Variants in PIP5K1B observed in about 807,000 individuals in gnomAD.
PIP5K1B encodes the protein phosphatidylinositol-4-phosphate 5-kinase type 1 beta.
A neutral mutation model predicts 67.0 loss-of-function variants in PIP5K1B; 42 were observed. The observed-to-expected ratio is 0.63, with a 90% CI of 0.49 to 0.81. The LOEUF (loss-of-function observed/expected upper bound fraction) is 0.81. Ranked by LOEUF, PIP5K1B falls within the 30% of genes least tolerant of loss-of-function variation. The probability of loss-of-function intolerance (pLI) is 0.00; values close to 1 mark genes in which losing one functional copy is unlikely to be tolerated. For missense variants in PIP5K1B, 459 were observed against 646.3 expected (o/e 0.71, Z 3.14); for synonymous variants, 214 against 231.4 (o/e 0.92, Z 0.68).
chr9:68,770,864 G>T (rs1332049069), intron 2 of PIP5K1B, among the ~76,000 whole-genome samples: 1 of 152,192 alleles, frequency 6.6e-6, no homozygotes, highest in Non-Finnish European at 1.5e-5. Context: ...CTCATGTGTA[G>T]ATGCATTTGA....
chr9:69,005,526 G>T (rs61007216), intron 15 of PIP5K1B, among the ~76,000 whole-genome samples: 14,197 of 152,088 alleles, frequency 0.093, 1,392 homozygotes, highest in African/African-American at 0.25. Context: ...ACAGGCATGC[G>T]CCACCACACG....
chr9:69,001,201 C>G (rs970744622), intron 15 of PIP5K1B, among the ~76,000 whole-genome samples: 2 of 152,028 alleles, frequency 1.3e-5, no homozygotes, highest in Non-Finnish European at 2.9e-5. Flanking sequence ...GCCACCACAC[C>G]CAGCCTGGGT....
At chr9:68,996,523 C>T (rs1830607253) in intron 15 of PIP5K1B, among the ~76,000 whole-genome samples, 1 of 152,156 alleles carries the variant, frequency 6.6e-6, no homozygotes, top group South Asian at 2.1e-4. Context: ...TAAAAGAATA[C>T]ACAGAGATGA....
chr9:68,894,848 T>C (rs145506955), intron 8 of PIP5K1B, among the ~76,000 whole-genome samples: 1 of 152,336 alleles, frequency 6.6e-6, no homozygotes, highest in East Asian at 1.9e-4. Flanking sequence ...TTAACCTACA[T>C]CTCTGTTGAT....
At chr9:68,907,365 A>G (rs1303358526) in intron 8 of PIP5K1B, among the ~76,000 whole-genome samples, 3 of 152,180 alleles carry the variant, frequency 2.0e-5, no homozygotes, top group East Asian at 1.9e-4. Context: ...GTGGCTTTCA[A>G]CTGTGTCATG....
intron 15 of PIP5K1B, among the ~76,000 whole-genome samples, chr9:68,997,462 G>A (rs935157155): frequency 2.6e-5 from 4 of 152,136 alleles, no homozygotes; most frequent in African/African-American, 4.8e-5. Context: ...GATGCTGCTC[G>A]GGTTTTTGGT....
chr9:68,765,289 T>C (rs1405859996), intron 2 of PIP5K1B, among the ~76,000 whole-genome samples: 1 of 152,150 alleles, frequency 6.6e-6, no homozygotes, highest in Non-Finnish European at 1.5e-5. Context: ...TTAATGGTCT[T>C]TTCCATGGAG....
intron 2 of PIP5K1B, among the ~76,000 whole-genome samples, chr9:68,751,343 T>C (rs531699414): frequency 6.3e-4 from 96 of 152,374 alleles, no homozygotes; most frequent in African/African-American, 2.1e-3. Context: ...TTCTAAAGCA[T>C]ACCTATAATT....
chr9:68,747,801 C>T (rs1338132459), intron 2 of PIP5K1B, among the ~76,000 whole-genome samples: 2 of 152,166 alleles, frequency 1.3e-5, no homozygotes, highest in Non-Finnish European at 1.5e-5. Context: ...TAGCTAGAAG[C>T]CACTCCTCTA....
intron 1 of PIP5K1B, among the ~76,000 whole-genome samples, chr9:68,717,426 G>A (rs995612243): frequency 1.3e-5 from 2 of 152,156 alleles, no homozygotes; most frequent in Non-Finnish European, 2.9e-5. Flanking sequence ...CTTGTCTTAG[G>A]TGGTTCAGGC....
intron 14 of PIP5K1B, among the ~76,000 whole-genome samples, chr9:68,986,664 A>C (rs1830107533): frequency 6.6e-6 from 1 of 152,190 alleles, no homozygotes; most frequent in African/African-American, 2.4e-5. Flanking sequence ...AGTAAATCTG[A>C]TATTTCTTTT....
chr9:68,795,696 G>A (rs1274474327), intron 2 of PIP5K1B, among the ~76,000 whole-genome samples: 2 of 152,192 alleles, frequency 1.3e-5, no homozygotes, highest in Non-Finnish European at 2.9e-5. Context: ...GGGAAATGGT[G>A]TTGCAATTTT....
intron 2 of PIP5K1B, chr9:68,789,415 A>G: frequency 2.2e-6 from 1 of 460,424 alleles, no homozygotes; most frequent in Non-Finnish European, 4.3e-6. Flanking sequence ...TGTGTCCACT[A>G]CTCAGTGAAG....
intron 14 of PIP5K1B, among the ~76,000 whole-genome samples, chr9:68,957,592 T>A (rs1331001053): frequency 6.6e-6 from 1 of 152,226 alleles, no homozygotes; most frequent in Non-Finnish European, 1.5e-5. Flanking sequence ...CTAGAGTTGA[T>A]GAAGAAGTGG....
At chr9:68,783,837 T>G (rs927810322) in intron 2 of PIP5K1B, 6 of 167,132 alleles carry the variant, frequency 3.6e-5, no homozygotes, top group African/African-American at 1.4e-4. Flanking sequence ...ACTAGAGTCA[T>G]TCTTTTAAAA....
intron 12 of PIP5K1B, 51 bp from the exon 13 acceptor site, chr9:68,934,839 A>T (rs756584978): frequency 7.9e-7 from 1 of 1,260,080 alleles, no homozygotes; most frequent in Non-Finnish European, 1.1e-6. Flanking sequence ...ATAAAATAGT[A>T]ATGTGATTTT....
intron 4 of PIP5K1B, among the ~76,000 whole-genome samples, chr9:68,827,110 G>T (rs1337522185): frequency 1.3e-5 from 2 of 152,162 alleles, no homozygotes; most frequent in East Asian, 1.9e-4. Context: ...TTGTCTTGAT[G>T]TCAGGGAGTC....
In PIP5K1B at chr9:69,000,009, C is replaced by T. The variant is rs144884710; in HGVS notation, c.1621-8438C>T. On this transcript the variant is annotated intron_variant, in intron 15 of 15. Transcript: ENST00000265382. Reference sequence around the variant, plus strand: ...CAAAGGCAGCTTACTCTGACAGGCCCAGCTCCACCACCTTTCAAGTTGGAC... The same window carrying T: ...CAAAGGCAGCTTACTCTGACAGGCCTAGCTCCACCACCTTTCAAGTTGGAC... Among the ~76,000 whole-genome samples the T allele has an allele frequency of 5.1e-3, 782 of 152,242 alleles. 5 individuals are homozygous for T. The highest frequency in any genetic ancestry group is 7.9e-3 in the Non-Finnish European group (535 of 68,012).
chr9:68,745,099 T>C (rs1463655556), intron 2 of PIP5K1B, among the ~76,000 whole-genome samples: 1 of 152,180 alleles, frequency 6.6e-6, no homozygotes, highest in Non-Finnish European at 1.5e-5. Context: ...TCTCCAGTTC[T>C]TCAGATTTCT....
Sources: allele counts gnomAD v4.1 joint callset (sites outside exome capture counted in the v4.1 genomes callset), GRCh38; gene constraint gnomAD v4.1.1; transcripts MANE v1.5; gene names NCBI Gene and HGNC (gene_info 2026-07-23, HGNC 2026-07-21).